Variants in FAM178B observed in about 807,000 individuals in gnomAD.
FAM178B encodes family with sequence similarity 178 member B.
Under a neutral mutation model 91.7 loss-of-function variants are expected in FAM178B, and 82 were observed. The observed-to-expected ratio is 0.89, with a 90% CI of 0.75 to 1.07. FAM178B has a LOEUF of 1.07. Ranked by LOEUF, FAM178B falls within the 50% of genes least tolerant of loss-of-function variation. The pLI is 0.00. For missense variants in FAM178B, 769 were observed against 846.7 expected, an observed-to-expected ratio of 0.91 and a Z score of 1.14; for synonymous variants, 368 against 359.4, an observed-to-expected ratio of 1.02 and a Z score of -0.27.
intron 4 of FAM178B, among the ~76,000 whole-genome samples, chr2:96,968,945 G>A (rs2082181747): frequency 6.6e-6 from 1 of 152,134 alleles, no homozygotes. Context: ...AACCGGCACA[G>A]TCTGTCTTAT....
intron 1 of FAM178B, among the ~76,000 whole-genome samples, chr2:96,982,278 T>C (rs569461810): frequency 5.3e-5 from 8 of 152,178 alleles, no homozygotes; most frequent in African/African-American, 1.4e-4. Flanking sequence ...TATTATTTTA[T>C]TTTAGAGACA....
chr2:96,902,848 C>T lies in FAM178B; in HGVS notation c.1563-141G>A, dbSNP rs1284122118. The T allele has an allele frequency of 1.7e-5, 11 of 632,518 alleles. No homozygotes were observed. In the East Asian group the frequency reaches 3.1e-4, roughly 18 times the overall value. 39.2% of individuals were successfully genotyped at this position (632,518 alleles called of 1,614,324 possible). A position where few individuals can be genotyped will look rare whatever the true frequency, so the allele number is the denominator to read the frequency against. On this transcript the variant is annotated intron_variant, in intron 12 of 16. Transcript: ENST00000490605. ...CCCAGCAAAGGGCTTTCTCCATTGG[C>T]TTACAGCATTATGTATTCTAGGAGG...
chr2:96,904,920 C>A (rs558046233), intron 12 of FAM178B, among the ~76,000 whole-genome samples: 1 of 151,900 alleles, frequency 6.6e-6, no homozygotes, highest in Non-Finnish European at 1.5e-5. Flanking sequence ...CCTGCCATTA[C>A]GCCCAGCTAA....
chr2:96,877,765 A>T, intron 16 of FAM178B, 125 bp downstream of exon 16: 1 of 960,190 alleles, frequency 1.0e-6, no homozygotes, highest in East Asian at 2.6e-5. Context: ...CCACATGCCC[A>T]CTCCACCCAT....
At chr2:96,901,176 CTTTTTTTT>C (rs1195230304) in intron 13 of FAM178B, among the ~76,000 whole-genome samples, 1 of 132,476 alleles carries the variant, frequency 7.5e-6, no homozygotes, top group African/African-American at 2.8e-5. Flanking sequence ...ATTCTTTTTT[CTTTTTTTT>C]TTTTTTTTTT....
At chr2:96,931,870 T>TC (rs1253431679) in intron 8 of FAM178B, among the ~76,000 whole-genome samples, 3 of 151,656 alleles carry the variant, frequency 2.0e-5, no homozygotes, top group African/African-American at 7.3e-5. Flanking sequence ...TTTTTTTTTT[T>TC]CCTCTCTTGG....
intron 5 of FAM178B, among the ~76,000 whole-genome samples, chr2:96,960,750 G>A (rs1390888922): frequency 6.6e-6 from 1 of 152,232 alleles, no homozygotes; most frequent in Non-Finnish European, 1.5e-5. Context: ...GCCAGGTACG[G>A]AGGGTGAGTC....
At chr2:96,968,034 C>T (rs1038424333) in intron 4 of FAM178B, among the ~76,000 whole-genome samples, 3 of 149,834 alleles carry the variant, frequency 2.0e-5, no homozygotes, top group Admixed American at 1.3e-4. Context: ...TGGGCTCAAG[C>T]AATTTCCCAC....
intron 13 of FAM178B, among the ~76,000 whole-genome samples, chr2:96,900,348 G>C (rs2080903749): frequency 6.6e-6 from 1 of 151,872 alleles, no homozygotes; most frequent in African/African-American, 2.4e-5. Context: ...CAAGGTCTCA[G>C]CTGGGGCACG....
intron 12 of FAM178B, among the ~76,000 whole-genome samples, chr2:96,905,862 T>TATATGTGTATA (rs1559064503): frequency 5.1e-4 from 12 of 23,516 alleles, no homozygotes; most frequent in Admixed American, 2.2e-3. Context: ...ATATATATAT[T>TATATGTGTATA]TTTTTTTTTT....
At chr2:96,951,661 C>A in intron 6 of FAM178B, 177 bp from the exon 7 acceptor site, 1 of 585,850 alleles carries the variant, frequency 1.7e-6, no homozygotes. Flanking sequence ...AGGAAAAGAA[C>A]CCAGGCTAGC....
Position 96,935,356 on chromosome 2 carries a change from C to G in FAM178B, c.1079-6036G>C, listed in dbSNP as rs182205801. Among the ~76,000 whole-genome samples the G allele has an allele frequency of 5.9e-5, 9 of 152,296 alleles. No homozygotes were observed. The East Asian group carries it at 1.5e-3, about 26-fold the overall frequency. On this transcript the variant is annotated intron_variant, in intron 8 of 16. Coordinates refer to ENST00000490605, the MANE Select transcript of FAM178B (RefSeq NM_001122646.3). Reference sequence around the variant, plus strand: ...GTTCTTAGCATGTGCCTCTCATGCTCCAGGTCACATCACGGTCCAGCACGG... The same window carrying G: ...GTTCTTAGCATGTGCCTCTCATGCTGCAGGTCACATCACGGTCCAGCACGG...
chr2:96,897,220 T>C (rs1243982793), intron 13 of FAM178B, among the ~76,000 whole-genome samples: 1 of 152,154 alleles, frequency 6.6e-6, no homozygotes, highest in African/African-American at 2.4e-5. Context: ...CCCTGGAATG[T>C]AAACTCTCTG....
Position 96,972,270 on chromosome 2 carries a change from G to A in FAM178B, c.195C>T (p.Gly65=). 6.7e-7 allele frequency: 1 copy of A among 1,497,214 alleles called. No homozygotes were observed. 92.7% of individuals were successfully genotyped at this position (1,497,214 alleles called of 1,614,324 possible). The change falls in exon 3 of 17, where the codon GGC becomes GGT. Residue 65 remains glycine (G), a synonymous_variant. Transcript: ENST00000490605. ...CCTGGTCCAGGGGATGGTCTGACAA[G>A]CCATCCTCCAGGTTGTACAGGAGGA... ...VPILLYNLED[G]LSDHPLDQGP... is the part of the protein sequence containing the mutation.
chr2:96,921,047 G>A, intron 12 of FAM178B, 118 bp downstream of exon 12: 2 of 762,980 alleles, frequency 2.6e-6, no homozygotes, highest in Non-Finnish European at 4.5e-6. Context: ...CTCCCTCCTG[G>A]GGATTAGAAA....
rs116755661 is a variant in FAM178B, at chr2:96,889,394, G to A, written c.1776+4532C>T. Reference sequence around the variant, plus strand: ...AAAAAACCTCATCAATAGAACATCAGTAGGCCCGGTGCGGTGGCTCATACC... The same window carrying A: ...AAAAAACCTCATCAATAGAACATCAATAGGCCCGGTGCGGTGGCTCATACC... On this transcript the variant is annotated intron_variant, in intron 14 of 16. Transcript: ENST00000490605. Among the ~76,000 whole-genome samples the A allele has an allele frequency of 6.6e-3, 1,003 of 152,214 alleles. 9 individuals carry two copies. Among genetic ancestry groups the A allele is most frequent in the African/African-American group, 0.023 (935 of 41,530 alleles).
chr2:96,911,720 C>G (rs902207143), intron 12 of FAM178B, among the ~76,000 whole-genome samples: 1 of 152,098 alleles, frequency 6.6e-6, no homozygotes, highest in African/African-American at 2.4e-5. Flanking sequence ...ACCAAGGCAG[C>G]GACAGGGAGG....
rs951508755 is a variant in FAM178B, at chr2:96,958,087, G to C, written c.887+2201C>G. On this transcript the variant is annotated intron_variant, in intron 6 of 16. Transcript: ENST00000490605. Reference sequence around the variant, plus strand: ...AGAATCTTTTTTTTTTTTTTTTTTTGAGATGGAGTCTCGCTCTGTCCCCTA... The same window carrying C: ...AGAATCTTTTTTTTTTTTTTTTTTTCAGATGGAGTCTCGCTCTGTCCCCTA... Among the ~76,000 whole-genome samples the C allele has an allele frequency of 2.7e-5, 2 of 74,248 alleles. 1 individual carries two copies. The highest frequency in any genetic ancestry group is 1.2e-4 in the African/African-American group (2 of 16,374). 48.7% of individuals were successfully genotyped at this position (74,248 alleles called of 152,430 possible). A position where few individuals can be genotyped will look rare whatever the true frequency, so the allele number is the denominator to read the frequency against.
At chr2:96,920,809 CGA>C (rs967948314) in intron 12 of FAM178B, among the ~76,000 whole-genome samples, 2 of 150,764 alleles carry the variant, frequency 1.3e-5, no homozygotes, top group East Asian at 1.9e-4. Flanking sequence ...AAGGATGAAT[CGA>C]GAGTGTGCGA....
Sources: gnomAD v4.1 joint callset for allele counts (sites outside exome capture counted in the v4.1 genomes callset) on GRCh38, gnomAD v4.1.1 for gene constraint, MANE v1.5 for transcripts, NCBI Gene and HGNC (gene_info 2026-07-23, HGNC 2026-07-21) for gene names.